ZNF518B: variants seen among roughly 807,000 people sequenced by gnomAD.
The protein encoded by ZNF518B is zinc finger protein 518B.
In ZNF518B, 23 loss-of-function variants were observed where a neutral mutation model predicts 56.3. That is an observed-to-expected ratio of 0.41 (90% CI 0.29 to 0.58). The LOEUF (loss-of-function observed/expected upper bound fraction) is 0.58, where lower values mean the gene tolerates loss of function less well. ZNF518B is among the 20% of genes least tolerant of loss of function. The pLI is 0.32. For missense variants in ZNF518B, 1,460 were observed against 1,272.1 expected (o/e 1.15, Z -2.25); for synonymous variants, 529 against 465.9 (o/e 1.14, Z -1.74).
chr4:10,457,226 C>T (rs1203388661), intron 1 of ZNF518B, 91 bp downstream of exon 1: 4 of 150,504 alleles, frequency 2.7e-5, no homozygotes, highest in Admixed American at 2.7e-4. Context: ...CAGGCCCCCG[C>T]CCCGCGCGCC....
Position 10,445,388 on chromosome 4 carries a change from T to A in ZNF518B, c.941A>T (p.Glu314Val). Residue 314 changes from glutamate to valine, a missense_variant, in exon 3 of 3, where the codon GAA (glutamate) becomes GTA (valine). Glu to Val is a moderately radical substitution (Grantham distance 121, BLOSUM62 -2). Coordinates refer to ENST00000326756, the MANE Select transcript of ZNF518B (RefSeq NM_053042.3). The stretch of plus-strand genomic sequence containing the variant: ...AGGTTCTTTTGCAGGGGATAACACT[T>A]CTACTTCAACATTTTTGTTCTCAAA... ...NLFENKNVEV[E>V]VLSPAKEPVQ... The A allele has an allele frequency of 6.2e-7, 1 of 1,614,232 alleles. No homozygotes were observed. Among genetic ancestry groups the A allele is most frequent in the Non-Finnish European group, 8.5e-7 (1 of 1,180,038 alleles).
chr4:10,444,723 T>C lies in ZNF518B; in HGVS notation c.1606A>G (p.Thr536Ala). 1.2e-6 allele frequency: 2 copies of C among 1,614,166 alleles called. No homozygotes were observed. Among genetic ancestry groups the C allele is most frequent in the South Asian group, 1.1e-5 (1 of 91,084 alleles). Residue 536 changes from threonine (T) to alanine (A), a missense_variant, in exon 3 of 3, where the codon ACC (threonine) becomes GCC (alanine). By Grantham distance (58) the Thr-to-Ala change is moderately conservative. Coordinates refer to ENST00000326756, the MANE Select transcript of ZNF518B (RefSeq NM_053042.3). ...CCCTTTTCTCCAGAGAAGGAACAGG[T>C]TGCAGGTGATGCAGCAAATGGGAGT... Reference protein sequence around the residue: ...QLLPFAASPATCSFSGEKGLL... With the variant: ...QLLPFAASPAACSFSGEKGLL...
chr4:10,458,623 C>T (rs1438017087), upstream of ZNF518B, among the ~76,000 whole-genome samples: 3 of 152,206 alleles, frequency 2.0e-5, no homozygotes, highest in African/African-American at 7.2e-5. Context: ...CGGTCCTGAT[C>T]AGGGAGCTGC....
At chr4:10,452,444 T>C (rs1185146961) in intron 2 of ZNF518B, 1 of 152,106 alleles carries the variant, frequency 6.6e-6, no homozygotes, top group Non-Finnish European at 1.5e-5. Context: ...TAACCAAATT[T>C]TTAAAACAAT....
intron 2 of ZNF518B, among the ~76,000 whole-genome samples, chr4:10,449,765 A>AT (rs1715227597): frequency 6.6e-6 from 1 of 152,254 alleles, no homozygotes; most frequent in Admixed American, 6.5e-5. Flanking sequence ...CTATTTGAAC[A>AT]TAACACCCTC....
intron 1 of ZNF518B, among the ~76,000 whole-genome samples, chr4:10,456,285 ATAAAGACT>A (rs1439567668): frequency 1.3e-5 from 2 of 152,124 alleles, no homozygotes; most frequent in Non-Finnish European, 2.9e-5. Context: ...TACCCAACTT[ATAAAGACT>A]TAAGTGTTTT....
chr4:10,453,431 A>G (rs901317823), intron 2 of ZNF518B: 1 of 152,182 alleles, frequency 6.6e-6, no homozygotes, highest in Non-Finnish European at 1.5e-5. Flanking sequence ...TTGACTTGAC[A>G]CTGCTGTGCA....
At position 10,441,870 on chromosome 4, in the gene ZNF518B, T is replaced by G. The variant is rs552887847; in HGVS notation, c.*1234A>C. The stretch of plus-strand genomic sequence containing the variant: ...GCAGCAGGGTAAGCATGAATGTGGT[T>G]AAGACAAATTAGAAACAGCGTTACT... On this transcript the variant is annotated 3_prime_UTR_variant, in exon 3 of 3. Transcript: ENST00000326756. 6.6e-6 allele frequency: 1 copy of G among 152,136 alleles called. No homozygotes were observed. Among genetic ancestry groups the G allele is most frequent in the South Asian group, 2.1e-4 (1 of 4,826 alleles). 9.4% of individuals were successfully genotyped at this position (152,136 alleles called of 1,614,324 possible). A position where few individuals can be genotyped will look rare whatever the true frequency, so the allele number is the denominator to read the frequency against.
In ZNF518B at chr4:10,441,609, T is replaced by G; in HGVS notation, c.*1495A>C. 6.6e-6 allele frequency: 1 copy of G among 152,634 alleles called. No individual in the cohort carries two copies. The highest frequency in any genetic ancestry group is 1.9e-4 in the East Asian group (1 of 5,196). 9.5% of individuals were successfully genotyped at this position (152,634 alleles called of 1,614,324 possible). ...ATGCAAGTTGGGGCTGCCTCGGGGT[T>G]GTGCCATCTGTGCTCTACCTGGAAG... On this transcript the variant is annotated 3_prime_UTR_variant, in exon 3 of 3. Coordinates refer to ENST00000326756, the MANE Select transcript of ZNF518B (RefSeq NM_053042.3).
upstream of ZNF518B, among the ~76,000 whole-genome samples, chr4:10,460,328 A>G (rs1401301520): frequency 7.0e-6 from 1 of 142,490 alleles, no homozygotes; most frequent in Non-Finnish European, 1.5e-5. Flanking sequence ...AAAAAACCAA[A>G]AAAAAAAAAA....
At position 10,442,051 on chromosome 4, in the gene ZNF518B, T is replaced by C. The variant is rs1714705512; in HGVS notation, c.*1053A>G. On this transcript the variant is annotated 3_prime_UTR_variant, in exon 3 of 3. Coordinates refer to ENST00000326756, the MANE Select transcript of ZNF518B (RefSeq NM_053042.3). ...AGGAAGAAACAGTGGGCAAGGAAGT[T>C]GTGCTAGTCCACAGGAGGGCCGGTT... The C allele has an allele frequency of 6.6e-6, 1 of 152,218 alleles. No individual in the cohort carries two copies. The allele number at this position is 152,218 out of a possible 1,614,324, so 9.4% of individuals were successfully genotyped here.
At chr4:10,458,455 T>A (rs1359701112), upstream of ZNF518B, among the ~76,000 whole-genome samples, 3 of 152,162 alleles carry the variant, frequency 2.0e-5, no homozygotes, top group African/African-American at 4.8e-5. Flanking sequence ...TGGGCAGTAC[T>A]GCCACACGGA....
At chr4:10,446,691 T>G (rs1321019748) in intron 2 of ZNF518B, among the ~76,000 whole-genome samples, 152 bp from the exon 3 acceptor site, 3 of 152,128 alleles carry the variant, frequency 2.0e-5, no homozygotes, top group Non-Finnish European at 2.9e-5. Context: ...CACAACAGAG[T>G]TGGCAAGTAA....
Position 10,445,503 on chromosome 4 carries a change from T to C in ZNF518B, c.826A>G (p.Met276Val). 2 of 1,614,130 alleles carry C rather than the reference T, an allele frequency of 1.2e-6. No individual in the cohort carries two copies. Among genetic ancestry groups the C allele is most frequent in the Non-Finnish European group, 1.7e-6 (2 of 1,179,952 alleles). Residue 276 changes from methionine to valine, a missense_variant, in exon 3 of 3, where the codon ATG becomes GTG. Transcript: ENST00000326756. ...HANKDKMHNI[M>V]LLPEPKEYQK... Reference sequence around the variant, plus strand: ...TATTCCTTTGGTTCAGGTAACAACATGATATTGTGCATTTTGTCTTTATTT... The same window carrying C: ...TATTCCTTTGGTTCAGGTAACAACACGATATTGTGCATTTTGTCTTTATTT...
intron 2 of ZNF518B, chr4:10,451,275 A>G (rs1409750251): frequency 2.0e-5 from 3 of 152,232 alleles, no homozygotes; most frequent in Admixed American, 2.0e-4. Context: ...TTCCTATTAA[A>G]AACGAAGCAT....
At chr4:10,457,032 G>A (rs1220329559) in intron 1 of ZNF518B, 2 of 149,254 alleles carry the variant, frequency 1.3e-5, no homozygotes, top group Non-Finnish European at 3.0e-5. Context: ...CCCGACCCTA[G>A]GCCAGGCCCG....
In ZNF518B at chr4:10,445,349, A is replaced by G. The variant is rs150921166; in HGVS notation, c.980T>C (p.Met327Thr). Residue 327 changes from methionine to threonine, a missense_variant, in exon 3 of 3, where the codon ATG becomes ACG. Physicochemically the swap from Met to Thr is moderately conservative, Grantham distance 81 (BLOSUM62 -1). Transcript: ENST00000326756. ...TGCTGGTGCAACAACTGTCAATGGC[A>G]TACCTGGCTGAACAGGTTCTTTTGC... is the stretch of plus-strand genomic sequence containing the variant. ...SPAKEPVQPG[M>T]PLTVVAPAEL... is the part of the protein sequence containing the mutation. 20 of 1,614,238 alleles carry G rather than the reference A, an allele frequency of 1.2e-5. No individual in the cohort carries two copies. In the African/African-American group the frequency reaches 2.5e-4, roughly 20 times the overall value.
Position 10,444,753 on chromosome 4 carries a change from G to A in ZNF518B, c.1576C>T (p.Gln526Ter). Reference protein sequence around the residue: ...SGRNLHSSSQQLLPFAASPAT... With the variant: ...SGRNLHSSSQ ...GGTGATGCAGCAAATGGGAGTAACT[G>A]CTGTGAGCTACTGTGTAAATTTCTT... Residue 526 changes from glutamine to a stop codon, truncating the protein, a stop_gained, in exon 3 of 3, where the codon CAG (glutamine) becomes TAG (stop). Transcript: ENST00000326756. LOFTEE classifies it high-confidence loss of function. 1 of 1,613,778 alleles carries A rather than the reference G, an allele frequency of 6.2e-7. No homozygotes were observed. Among genetic ancestry groups the A allele is most frequent in the Non-Finnish European group, 8.5e-7 (1 of 1,179,798 alleles).
At chr4:10,448,068 A>G (rs1715148617) in intron 2 of ZNF518B, among the ~76,000 whole-genome samples, 1 of 152,236 alleles carries the variant, frequency 6.6e-6, no homozygotes, top group African/African-American at 2.4e-5. Flanking sequence ...TCATGACTTA[A>G]GAAAGTCACT....
Sources: allele counts gnomAD v4.1 joint callset (sites outside exome capture counted in the v4.1 genomes callset), GRCh38; gene constraint gnomAD v4.1.1; transcripts MANE v1.5; gene names NCBI Gene and HGNC (gene_info 2026-07-23, HGNC 2026-07-21).